Variants in VPS35L observed in about 807,000 individuals in gnomAD.
The protein encoded by VPS35L is VPS35 endosomal protein-sorting factor-like.
In VPS35L, 83 loss-of-function variants were observed where a neutral mutation model predicts 133.0. The ratio of observed to expected loss-of-function variants is 0.62; its 90% confidence interval spans 0.52 to 0.75. The LOEUF (loss-of-function observed/expected upper bound fraction) is 0.75. VPS35L is among the 30% of genes least tolerant of loss of function. VPS35L has a pLI of 0.00. For synonymous variants in VPS35L, 423 were observed against 449.9 expected (o/e 0.94, Z 0.76); for missense variants, 1,083 against 1,206.8 (o/e 0.90, Z 1.52).
At chr16:19,567,927 A>G (rs978353813) in intron 2 of VPS35L, among the ~76,000 whole-genome samples, 1 of 150,900 alleles carries the variant, frequency 6.6e-6, no homozygotes, top group Non-Finnish European at 1.5e-5. Flanking sequence ...CCGTGATCAC[A>G]CCATTGCACT....
chr16:19,654,031 C>T lies in VPS35L; in HGVS notation c.2221+1941C>T, dbSNP rs150715745. On this transcript the variant is annotated intron_variant, in intron 26 of 30. Transcript: ENST00000417362. Reference sequence around the variant, plus strand: ...CCTCATCTCCCATTTGCTTTAGTCACACAGGCCTGCTTCTGTTCTTTGAAC... The same window carrying T: ...CCTCATCTCCCATTTGCTTTAGTCATACAGGCCTGCTTCTGTTCTTTGAAC... 2.6e-3 allele frequency among the ~76,000 whole-genome samples: 398 copies of T among 152,334 alleles called. 2 individuals carry two copies. Among genetic ancestry groups the T allele is most frequent in the African/African-American group, 8.8e-3 (368 of 41,588 alleles).
At chr16:19,580,624 A>G (rs1597325057) in intron 6 of VPS35L, among the ~76,000 whole-genome samples, 1 of 152,000 alleles carries the variant, frequency 6.6e-6, no homozygotes, top group East Asian at 1.9e-4. Flanking sequence ...TTTCATCCCC[A>G]TGACGATCCC....
At chr16:19,671,437 C>G (rs909701823) in intron 27 of VPS35L, among the ~76,000 whole-genome samples, 1 of 149,334 alleles carries the variant, frequency 6.7e-6, no homozygotes, top group Non-Finnish European at 1.5e-5. Flanking sequence ...CCACCGCACT[C>G]CAGCCTGGAC....
intron 27 of VPS35L, among the ~76,000 whole-genome samples, chr16:19,676,254 A>G (rs369522085): frequency 5.6e-4 from 86 of 152,302 alleles, no homozygotes; most frequent in African/African-American, 1.6e-3. Flanking sequence ...CTCCGACTCA[A>G]AAAACACACA....
chr16:19,644,795 C>T (rs192934443), intron 22 of VPS35L, 91 bp from the exon 23 acceptor site: 6 of 846,766 alleles, frequency 7.1e-6, no homozygotes, highest in African/African-American at 6.8e-5. Flanking sequence ...AATGTTCTTA[C>T]CTGTTAAATT....
At chr16:19,568,260 A>G (rs2151504477) in intron 2 of VPS35L, among the ~76,000 whole-genome samples, 1 of 151,354 alleles carries the variant, frequency 6.6e-6, no homozygotes, top group Non-Finnish European at 1.5e-5. Context: ...AGGTACCTCG[A>G]TGTGTTCTTG....
rs1198683958 is a variant in VPS35L, at chr16:19,648,681, A to G, written c.2028+799A>G. Among the ~76,000 whole-genome samples the G allele has an allele frequency of 3.9e-5, 6 of 152,228 alleles. No homozygotes were observed. The East Asian group carries it at 1.2e-3, about 30-fold the overall frequency. ...TCAGGAGTTTGAGACCAGCCTGCCC[A>G]ATATGGTGAAATGCTGTCTCTACTA... On this transcript the variant is annotated intron_variant, in intron 24 of 30. Transcript: ENST00000417362.
chr16:19,593,113 G>T (rs185515384), intron 8 of VPS35L, among the ~76,000 whole-genome samples: 1 of 152,288 alleles, frequency 6.6e-6, no homozygotes, highest in East Asian at 1.9e-4. Flanking sequence ...CAGGTAGAAA[G>T]GTTTAGACTG....
intron 9 of VPS35L, chr16:19,607,900 CT>C: frequency 2.9e-6 from 1 of 339,184 alleles, no homozygotes; most frequent in Non-Finnish European, 5.5e-6. Context: ...GTCTCTGCAT[CT>C]GTAAAATAAG....
chr16:19,590,503 T>C (rs2151527050), intron 7 of VPS35L, among the ~76,000 whole-genome samples: 1 of 152,322 alleles, frequency 6.6e-6, no homozygotes, highest in South Asian at 2.1e-4. Flanking sequence ...CTTCAGGGCA[T>C]GGCATTAAAT....
chr16:19,653,439 GGCTGGT>G (rs1974198017), intron 26 of VPS35L, among the ~76,000 whole-genome samples: 1 of 152,212 alleles, frequency 6.6e-6, no homozygotes, highest in African/African-American at 2.4e-5. Context: ...CCGGTGCTGT[GGCTGGT>G]GCCTTATTAC....
intron 11 of VPS35L, among the ~76,000 whole-genome samples, chr16:19,609,703 C>T (rs1972649569): frequency 6.6e-6 from 1 of 152,076 alleles, no homozygotes; most frequent in Non-Finnish European, 1.5e-5. Flanking sequence ...ATAGCTCTAC[C>T]GATTGGATTT....
rs183457039 is a variant in VPS35L at position 19,624,064 on chromosome 16, A to T, written c.1225-2113A>T. Among the ~76,000 whole-genome samples, 786 of 149,014 alleles carry T rather than the reference A, an allele frequency of 5.3e-3. 6 individuals are homozygous for T. The highest frequency in any genetic ancestry group is 0.018 in the African/African-American group (744 of 40,682). Reference sequence around the variant, plus strand: ...AGCCATCTGTCCCCATCAGCCTCTCAAAGTGCTGGGATTACAGGCATGAGC... The same window carrying T: ...AGCCATCTGTCCCCATCAGCCTCTCTAAGTGCTGGGATTACAGGCATGAGC... On this transcript the variant is annotated intron_variant, in intron 14 of 30. Coordinates refer to ENST00000417362, the MANE Select transcript of VPS35L (RefSeq NM_020314.7).
rs371187127 is a variant in VPS35L, at chr16:19,623,398, C to T, written c.1225-2779C>T. 3.3e-5 allele frequency among the ~76,000 whole-genome samples: 5 copies of T among 152,240 alleles called. No homozygotes were observed. The South Asian group carries it at 8.3e-4, about 25-fold the overall frequency. On this transcript the variant is annotated intron_variant, in intron 14 of 30. Transcript: ENST00000417362. ...GTACACGCATCCTTGCTGTCTCTTC[C>T]TATAAGGAGGTTAGTCCTGTGGGAT... is the stretch of plus-strand genomic sequence containing the variant.
intron 22 of VPS35L, 48 bp from the exon 23 acceptor site, chr16:19,644,832 TAGAAAC>T: frequency 2.2e-6 from 3 of 1,348,892 alleles, no homozygotes; most frequent in Admixed American, 2.0e-5. Context: ...TTTTTTTCTT[TAGAAAC>T]TTTCATCTAT....
At chr16:19,619,045 C>T (rs1320350344) in intron 14 of VPS35L, among the ~76,000 whole-genome samples, 1 of 151,872 alleles carries the variant, frequency 6.6e-6, no homozygotes, top group Non-Finnish European at 1.5e-5. Context: ...ATTCTCATGC[C>T]TCAACCTCAT....
In VPS35L at chr16:19,699,418, C is replaced by T; in HGVS notation, c.2647-84C>T. The T allele has an allele frequency of 6.5e-7, 1 of 1,537,186 alleles. No individual in the cohort carries two copies. The highest frequency in any genetic ancestry group is 8.9e-7 in the Non-Finnish European group (1 of 1,129,202). ...CACTGGAACTCAGGCATGACCTACC[C>T]CAGAGTCAGCACTGTCCACAGCATC... On this transcript the variant is annotated intron_variant, in intron 29 of 30. Coordinates refer to ENST00000417362, the MANE Select transcript of VPS35L (RefSeq NM_020314.7). This position sits in a 1 kb window ranked among gnomAD's most constrained non-coding sequence, Gnocchi z 4.2.
chr16:19,599,639 T>C (rs1972321073), intron 8 of VPS35L, among the ~76,000 whole-genome samples: 2 of 152,014 alleles, frequency 1.3e-5, no homozygotes, highest in African/African-American at 2.4e-5. Context: ...TAGCTGGGAC[T>C]ACACGCGTGC....
chr16:19,686,239 G>A (rs1303732279), intron 28 of VPS35L, among the ~76,000 whole-genome samples: 1 of 152,124 alleles, frequency 6.6e-6, no homozygotes, highest in Non-Finnish European at 1.5e-5. Context: ...GCTTTTAGAC[G>A]ATGTTGACAC....
Sources: allele counts gnomAD v4.1 joint callset (sites outside exome capture counted in the v4.1 genomes callset), GRCh38; gene constraint gnomAD v4.1.1; non-coding constraint Gnocchi (gnomAD v3.1); transcripts MANE v1.5; gene names NCBI Gene and HGNC (gene_info 2026-07-23, HGNC 2026-07-21).